The following CHCHD6 variants were observed in gnomAD, a reference collection of about 807,000 sequenced individuals.
The protein encoded by CHCHD6 is MICOS complex subunit MIC25.
CHCHD6 carries 28 observed loss-of-function variants against 32.3 expected under a neutral mutation model. The observed-to-expected ratio is 0.87, with a 90% CI of 0.64 to 1.19. CHCHD6 has a LOEUF of 1.19. Ranked by LOEUF, CHCHD6 falls within the 50% of genes most tolerant of loss-of-function variation. CHCHD6 has a pLI of 0.00. For missense variants in CHCHD6, 333 were observed against 307.0 expected, an observed-to-expected ratio of 1.08 and a Z score of -0.63; for synonymous variants, 122 against 117.5, an observed-to-expected ratio of 1.04 and a Z score of -0.25.
In CHCHD6 at chr3:126,727,151, G is replaced by A. The variant is rs769761812; in HGVS notation, c.161G>A (p.Gly54Asp). 7.4e-6 allele frequency: 12 copies of A among 1,613,820 alleles called. No individual in the cohort carries two copies. Among genetic ancestry groups the A allele is most frequent in the Middle Eastern group, 3.3e-4 (2 of 6,084 alleles). The change falls in exon 2 of 8, where the codon GGC becomes GAC. Residue 54 changes from glycine (G) to aspartate (D), a missense_variant. Coordinates refer to ENST00000290913, the MANE Select transcript of CHCHD6 (RefSeq NM_032343.3). ...PPPAPTSSTF[G>D]LQDGNLRAPH... is the part of the protein sequence containing the mutation. ...CCTGCTCCCACATCTTCTACCTTTGGCCTTCAAGATGGCAACTTGAGAGCC... is the reference window on the plus strand; with the variant it reads ...CCTGCTCCCACATCTTCTACCTTTGACCTTCAAGATGGCAACTTGAGAGCC...
chr3:126,952,462 G>A (rs1187868455), intron 6 of CHCHD6, among the ~76,000 whole-genome samples: 2 of 152,320 alleles, frequency 1.3e-5, no homozygotes, highest in Admixed American at 1.3e-4. Context: ...AGGGGACAAG[G>A]GCAGGGGCCA....
intron 4 of CHCHD6, among the ~76,000 whole-genome samples, chr3:126,833,968 G>T (rs923630843): frequency 6.7e-6 from 1 of 148,616 alleles, no homozygotes; most frequent in African/African-American, 2.5e-5. Flanking sequence ...GCAGGAGAAT[G>T]GCGTGAACCC....
chr3:126,755,559 A>G (rs767342876), intron 4 of CHCHD6, among the ~76,000 whole-genome samples: 58 of 152,154 alleles, frequency 3.8e-4, no homozygotes, highest in Non-Finnish European at 6.3e-4. Flanking sequence ...TAGTCACTGT[A>G]GCTCTCTTTT....
intron 4 of CHCHD6, among the ~76,000 whole-genome samples, chr3:126,773,196 C>G (rs114392903): frequency 0.012 from 1,815 of 152,208 alleles, 20 homozygotes; most frequent in Middle Eastern, 0.048. Context: ...GATTATATGT[C>G]TTGGGGATGG....
At chr3:126,775,077 T>G (rs1424939782) in intron 4 of CHCHD6, among the ~76,000 whole-genome samples, 1 of 152,174 alleles carries the variant, frequency 6.6e-6, no homozygotes, top group Non-Finnish European at 1.5e-5. Context: ...ATGTCCAGGG[T>G]TTTTAGCTAT....
At chr3:126,924,833 T>A (rs973380464) in intron 6 of CHCHD6, among the ~76,000 whole-genome samples, 3 of 152,208 alleles carry the variant, frequency 2.0e-5, no homozygotes, top group Non-Finnish European at 4.4e-5. Flanking sequence ...TCCATGGACA[T>A]GCTGAGGCTC....
chr3:126,758,555 A>T (rs1937051553), intron 4 of CHCHD6, among the ~76,000 whole-genome samples: 1 of 152,206 alleles, frequency 6.6e-6, no homozygotes, highest in Non-Finnish European at 1.5e-5. Context: ...TGCATGTGGG[A>T]TCTCACTAAG....
At chr3:126,839,300 G>A (rs988564025) in intron 4 of CHCHD6, among the ~76,000 whole-genome samples, 1 of 152,148 alleles carries the variant, frequency 6.6e-6, no homozygotes, top group Non-Finnish European at 1.5e-5. Context: ...AAGAGTACAA[G>A]CAGGTAAACA....
intron 4 of CHCHD6, among the ~76,000 whole-genome samples, chr3:126,820,991 C>T (rs921921422): frequency 1.3e-5 from 2 of 152,186 alleles, no homozygotes; most frequent in Non-Finnish European, 2.9e-5. Context: ...CCCTTCAGCC[C>T]TAACCCATGG....
At chr3:126,930,363 A>G (rs1439063530) in intron 6 of CHCHD6, among the ~76,000 whole-genome samples, 1 of 152,160 alleles carries the variant, frequency 6.6e-6, no homozygotes, top group Non-Finnish European at 1.5e-5. Context: ...ATTCTCGAGA[A>G]TTCTGTAAAG....
At chr3:126,788,916 G>T (rs1450027725) in intron 4 of CHCHD6, among the ~76,000 whole-genome samples, 2 of 152,038 alleles carry the variant, frequency 1.3e-5, no homozygotes, top group African/African-American at 4.8e-5. Flanking sequence ...GTGATGTCAG[G>T]ATGTCAATTT....
rs1174182511 is a variant in CHCHD6, at chr3:126,864,784, A to ATCACCTCCTCCTCCACCG, written c.495+12070_495+12087dup. On this transcript the variant is annotated intron_variant, in intron 5 of 7. Coordinates refer to ENST00000290913, the MANE Select transcript of CHCHD6 (RefSeq NM_032343.3). ...CTCCACCATCACCTCCTCCTCCACC[A>ATCACCTCCTCCTCCACCG]TCACCTCCTCCTCCACCGTCACCTC... 1.3e-4 allele frequency among the ~76,000 whole-genome samples: 16 copies of ATCACCTCCTCCTCCACCG among 126,080 alleles called. No homozygotes were observed. In the East Asian group the frequency reaches 1.7e-3, roughly 13 times the overall value. 82.7% of individuals were successfully genotyped at this position (126,080 alleles called of 152,430 possible).
At chr3:126,771,402 A>G (rs1205128588) in intron 4 of CHCHD6, among the ~76,000 whole-genome samples, 1 of 151,314 alleles carries the variant, frequency 6.6e-6, no homozygotes, top group African/African-American at 2.4e-5. Context: ...ACGGGGTTTC[A>G]CCATATTGAC....
At chr3:126,767,769 C>T (rs191379898) in intron 4 of CHCHD6, among the ~76,000 whole-genome samples, 10 of 152,140 alleles carry the variant, frequency 6.6e-5, no homozygotes, top group South Asian at 6.2e-4. Flanking sequence ...TCAAGTAGGC[C>T]CCAGTGTCTG....
At chr3:126,925,269 G>T (rs562904533) in intron 6 of CHCHD6, among the ~76,000 whole-genome samples, 21 of 152,264 alleles carry the variant, frequency 1.4e-4, no homozygotes, top group Middle Eastern at 3.4e-3. Flanking sequence ...ATGGTTAAAG[G>T]GTTGAAAAGG....
intron 1 of CHCHD6, among the ~76,000 whole-genome samples, chr3:126,715,706 T>C (rs1016504644): frequency 6.9e-6 from 1 of 144,498 alleles, no homozygotes; most frequent in African/African-American, 2.6e-5. Flanking sequence ...CCACGAGCCA[T>C]ACTCAGGGCC....
chr3:126,914,074 G>A (rs538658320), intron 5 of CHCHD6, among the ~76,000 whole-genome samples: 53 of 152,294 alleles, frequency 3.5e-4, no homozygotes, highest in African/African-American at 1.0e-3. Context: ...TTGCTGTTCC[G>A]ATGAGTAGGG....
intron 6 of CHCHD6, among the ~76,000 whole-genome samples, chr3:126,943,308 C>G (rs1010587585): frequency 2.6e-5 from 4 of 152,196 alleles, no homozygotes; most frequent in Admixed American, 2.6e-4. Flanking sequence ...ACTCAAAGTC[C>G]TTTCGTGACT....
intron 4 of CHCHD6, among the ~76,000 whole-genome samples, chr3:126,808,448 A>T (rs567880780): frequency 6.6e-6 from 1 of 152,314 alleles, no homozygotes; most frequent in Non-Finnish European, 1.5e-5. Flanking sequence ...TCAAGAAAAA[A>T]GAAAACATGT....
Sources: gnomAD v4.1 joint callset for allele counts (sites outside exome capture counted in the v4.1 genomes callset) on GRCh38, gnomAD v4.1.1 for gene constraint, MANE v1.5 for transcripts, NCBI Gene and HGNC (gene_info 2026-07-23, HGNC 2026-07-21) for gene names.